Variants in CSF2RB observed in about 807,000 individuals in gnomAD.
CSF2RB encodes the protein cytokine receptor common subunit beta.
A neutral mutation model predicts 67.2 loss-of-function variants in CSF2RB; 22 were observed. The observed-to-expected ratio is 0.33, with a 90% CI of 0.23 to 0.47. The LOEUF is 0.47. Among genes scored for constraint, CSF2RB ranks in the 20% least tolerant of loss-of-function variants. CSF2RB has a pLI of 1.00. For synonymous variants in CSF2RB, 507 were observed against 482.9 expected (o/e 1.05, Z -0.65); for missense variants, 1,113 against 1,174.5 (o/e 0.95, Z 0.76).
Position 36,916,434 on chromosome 22 carries a change from T to A in CSF2RB, c.-173+2757T>A, listed in dbSNP as rs141859238. Among the ~76,000 whole-genome samples the A allele has an allele frequency of 1.1e-3, 161 of 152,342 alleles. 2 individuals are homozygous for A. Among genetic ancestry groups the A allele is most frequent in the Non-Finnish European group, 2.2e-3 (148 of 68,036 alleles). ...AATGATTTGAAGTGCCCCTATTACA[T>A]CCTAGGCTTCTATACATACTTCGTT... On this transcript the variant is annotated intron_variant, in intron 1 of 13. Transcript: ENST00000403662.
At chr22:36,934,699 C>T (rs1277873152) in intron 10 of CSF2RB, among the ~76,000 whole-genome samples, 1 of 152,232 alleles carries the variant, frequency 6.6e-6, no homozygotes, top group Middle Eastern at 3.2e-3. Flanking sequence ...CAGGCGACTC[C>T]CGCAGAACAA....
Position 36,932,825 on chromosome 22 carries a change from G to A in CSF2RB, c.1073G>A (p.Trp358Ter). The change falls in exon 9 of 14, where the codon TGG becomes TAG. Residue 358 changes from tryptophan to a stop codon, truncating the protein, a stop_gained. Coordinates refer to ENST00000403662, the MANE Select transcript of CSF2RB (RefSeq NM_000395.3). LOFTEE classifies it high-confidence loss of function. The stretch of plus-strand genomic sequence containing the variant: ...GATGGAGACAGCTACAGCCTGCGCT[G>A]GGAAACAATGAAAATGCGATACGAA... Reference protein sequence around the residue: ...TKDGDSYSLRWETMKMRYEHI... With the variant: ...TKDGDSYSLR 1 of 1,614,128 alleles carries A rather than the reference G, an allele frequency of 6.2e-7. No homozygotes were observed. The highest frequency in any genetic ancestry group is 1.6e-4 in the Middle Eastern group (1 of 6,062).
chr22:36,925,792 C>T (rs996250036), intron 3 of CSF2RB, among the ~76,000 whole-genome samples, 195 bp from the exon 4 acceptor site: 1 of 152,222 alleles, frequency 6.6e-6, no homozygotes, highest in Non-Finnish European at 1.5e-5. Flanking sequence ...CTCTCCACTG[C>T]ACACGCTACA....
chr22:36,917,996 T>C (rs1569129327), intron 1 of CSF2RB, among the ~76,000 whole-genome samples: 2 of 152,214 alleles, frequency 1.3e-5, no homozygotes, highest in Non-Finnish European at 1.5e-5. Context: ...AGCACATATA[T>C]GATCTTCCAA....
chr22:36,934,879 G>A (rs1941234937), intron 10 of CSF2RB, among the ~76,000 whole-genome samples: 1 of 152,192 alleles, frequency 6.6e-6, no homozygotes, highest in Non-Finnish European at 1.5e-5. Context: ...GGGAGTCCTG[G>A]AGGAACCTGG....
rs1941099385 is a variant in CSF2RB at position 36,929,429 on chromosome 22, A to G, written c.419A>G (p.Gln140Arg). The stretch of plus-strand genomic sequence containing the variant: ...CAGCCTCCTGAGCCCAGGGACCTGC[A>G]GATCAGCACCGACCAGGACCACTTC... The part of the protein sequence containing the change: ...HVQPPEPRDL[Q>R]ISTDQDHFLL... Residue 140 changes from glutamine to arginine, a missense_variant, in exon 5 of 14, where the codon CAG (glutamine) becomes CGG (arginine). This residue lies in a region of CSF2RB where 559 missense variants were observed against 656.5 expected (regional missense o/e 0.85). Coordinates refer to ENST00000403662, the MANE Select transcript of CSF2RB (RefSeq NM_000395.3). 1 of 1,614,070 alleles carries G rather than the reference A, an allele frequency of 6.2e-7. No homozygotes were observed. The highest frequency in any genetic ancestry group is 1.1e-5 in the South Asian group (1 of 91,084).
Position 36,938,338 on chromosome 22 carries a change from C to G in CSF2RB, c.2530C>G (p.Pro844Ala). 6.2e-7 allele frequency: 1 copy of G among 1,614,208 alleles called. No homozygotes were observed. The highest frequency in any genetic ancestry group is 8.5e-7 in the Non-Finnish European group (1 of 1,180,034). The change falls in exon 14 of 14, where the codon CCC becomes GCC. Residue 844 changes from proline (P) to alanine (A), a missense_variant. By Grantham distance (27) the Pro-to-Ala change is conservative. Around this residue, in one of 2 missense-constraint regions of CSF2RB, gnomAD observed 554 missense variants for 517.9 expected, o/e 1.07. Transcript: ENST00000403662. ...SLRSKPSSPG[P>A]GPEIKNLDQA... is the part of the protein sequence containing the mutation. ...CCGGAGTAAACCTTCTTCCCCGGGACCCGGTCCTGAGATCAAGAACCTAGA... is the reference window on the plus strand; with the variant it reads ...CCGGAGTAAACCTTCTTCCCCGGGAGCCGGTCCTGAGATCAAGAACCTAGA...
At chr22:36,921,333 G>A (rs1259060803) in intron 1 of CSF2RB, among the ~76,000 whole-genome samples, 1 of 151,736 alleles carries the variant, frequency 6.6e-6, no homozygotes, top group African/African-American at 2.4e-5. Context: ...GCCTCTGTGT[G>A]TGTGTCTGTG....
In CSF2RB at chr22:36,936,647, G is replaced by A. The variant is rs1288630718; in HGVS notation, c.1563G>A (p.Leu521=). The A allele has an allele frequency of 6.2e-7, 1 of 1,612,928 alleles. No individual in the cohort carries two copies. Among genetic ancestry groups the A allele is most frequent in the Admixed American group, 1.7e-5 (1 of 60,024 alleles). ...QGPWGSRFPE[L]EGVFPVGFGD... ...CGTGGGGCAGCCGCTTCCCTGAGCTGGAGGGGTGAGTGGGCTCGTGGATCA... is the reference window on the plus strand; with the variant it reads ...CGTGGGGCAGCCGCTTCCCTGAGCTAGAGGGGTGAGTGGGCTCGTGGATCA... Residue 521 remains leucine, a synonymous_variant, in exon 13 of 14, where the codon CTG becomes CTA. Coordinates refer to ENST00000403662, the MANE Select transcript of CSF2RB (RefSeq NM_000395.3).
chr22:36,936,787 A>C, intron 13 of CSF2RB, 135 bp downstream of exon 13: 1 of 695,600 alleles, frequency 1.4e-6, no homozygotes, highest in Non-Finnish European at 2.4e-6. Context: ...TTTGCACTAA[A>C]GCAGGAGGCA....
chr22:36,933,786 T>C, intron 9 of CSF2RB, 46 bp from the exon 10 acceptor site: 1 of 1,572,460 alleles, frequency 6.4e-7, no homozygotes, highest in Non-Finnish European at 8.6e-7. Flanking sequence ...TTGCAGCTGC[T>C]CCCACGGGCA....
chr22:36,930,601 A>C (rs1941127193), intron 7 of CSF2RB, 72 bp from the exon 8 acceptor site: 1 of 1,610,932 alleles, frequency 6.2e-7, no homozygotes, highest in Admixed American at 1.7e-5. Context: ...CAGAAGCCAC[A>C]GCCCACCCTA....
rs1009692891 is a variant in CSF2RB at position 36,937,508 on chromosome 22, C to T, written c.1700C>T (p.Pro567Leu). 2.5e-6 allele frequency: 4 copies of T among 1,613,968 alleles called. No individual in the cohort carries two copies. In the South Asian group the frequency reaches 4.4e-5, roughly 18 times the overall value. ...TCAGATCTACCCACAGAGCAGCCCC[C>T]CAGCCCCCAGCCAGGCCCGCCTGCC... ...AASDLPTEQP[P>L]SPQPGPPAAS... Residue 567 changes from proline to leucine, a missense_variant, in exon 14 of 14, where the codon CCC becomes CTC. Transcript: ENST00000403662. This position sits in a 1 kb window ranked among gnomAD's most constrained non-coding sequence, Gnocchi z 4.6.
At position 36,938,269 on chromosome 22, in the gene CSF2RB, G is replaced by T. The variant is rs146598061; in HGVS notation, c.2461G>T (p.Asp821Tyr). The T allele has an allele frequency of 6.2e-7, 1 of 1,614,174 alleles. No individual in the cohort carries two copies. Among genetic ancestry groups the T allele is most frequent in the South Asian group, 1.1e-5 (1 of 91,084 alleles). Residue 821 changes from aspartate (D) to tyrosine (Y), a missense_variant, in exon 14 of 14, where the codon GAC becomes TAC. By Grantham distance (160) the Asp-to-Tyr change is radical. This residue lies in a region of CSF2RB where 554 missense variants were observed against 517.9 expected (regional missense o/e 1.07). Coordinates refer to ENST00000403662, the MANE Select transcript of CSF2RB (RefSeq NM_000395.3). The part of the protein sequence containing the change: ...EGLLVLQQVG[D>Y]YCFLPGLGPG... ...CCTCCTTGTCCTGCAGCAAGTGGGCGACTATTGCTTCCTCCCCGGCCTGGG... is the reference window on the plus strand; with the variant it reads ...CCTCCTTGTCCTGCAGCAAGTGGGCTACTATTGCTTCCTCCCCGGCCTGGG...
chr22:36,918,383 A>G (rs1026885725), intron 1 of CSF2RB, among the ~76,000 whole-genome samples: 6 of 152,212 alleles, frequency 3.9e-5, no homozygotes, highest in African/African-American at 1.2e-4. Context: ...TCTTTAGCCA[A>G]TCTGACCCTT....
Position 36,925,973 on chromosome 22 carries a change from T to C in CSF2RB, c.201-14T>C, listed in dbSNP as rs1941006549. On this transcript the variant is annotated splice_polypyrimidine_tract_variant and intron_variant, in intron 3 of 13. Transcript: ENST00000403662. ...CCCATACACCCTGGGCTAAGCCGTG[T>C]CCTCTCCCAACAGGGACCTCCTGGA... 6.2e-7 allele frequency: 1 copy of C among 1,614,120 alleles called. No homozygotes were observed. Among genetic ancestry groups the C allele is most frequent in the Non-Finnish European group, 8.5e-7 (1 of 1,180,010 alleles).
chr22:36,924,864 T>C (rs1474562582), intron 3 of CSF2RB, among the ~76,000 whole-genome samples: 4 of 151,892 alleles, frequency 2.6e-5, no homozygotes, highest in South Asian at 2.1e-4. Context: ...TGCCTCCTGA[T>C]GGCAAGACAC....
chr22:36,916,694 CT>C (rs1940721784), intron 1 of CSF2RB, among the ~76,000 whole-genome samples: 1 of 152,032 alleles, frequency 6.6e-6, no homozygotes, highest in Admixed American at 6.5e-5. Context: ...CCCATGTCTA[CT>C]AAAAATACGA....
Position 36,938,196 on chromosome 22 carries a change from A to C in CSF2RB, c.2388A>C (p.Pro796=). 1 of 1,614,146 alleles carries C rather than the reference A, an allele frequency of 6.2e-7. No individual in the cohort carries two copies. The highest frequency in any genetic ancestry group is 8.5e-7 in the Non-Finnish European group (1 of 1,179,996). The change falls in exon 14 of 14, where the codon CCA becomes CCC. Residue 796 remains proline, a synonymous_variant. Transcript: ENST00000403662. ...PPEAKSPVLN[P]GERPADVSPT... ...AGGCCAAAAGCCCTGTCCTGAACCC[A>C]GGGGAACGCCCGGCAGATGTGTCCC... is the stretch of plus-strand genomic sequence containing the variant.
Sources: gnomAD v4.1 joint callset for allele counts (sites outside exome capture counted in the v4.1 genomes callset) on GRCh38, gnomAD v4.1.1 for gene constraint, gnomAD v4.1.1 regional missense constraint, Gnocchi (gnomAD v3.1) non-coding constraint, MANE v1.5 for transcripts, NCBI Gene and HGNC (gene_info 2026-07-23, HGNC 2026-07-21) for gene names.